Variants in CNTN5 observed in about 807,000 individuals in gnomAD.
The protein encoded by CNTN5 is contactin 5, also known as contactin-5.
A neutral mutation model predicts 129.1 loss-of-function variants in CNTN5; 77 were observed. That is an observed-to-expected ratio of 0.60 (90% CI 0.50 to 0.72). The LOEUF (loss-of-function observed/expected upper bound fraction) is 0.72, where lower values mean the gene tolerates loss of function less well. CNTN5 is among the 30% of genes least tolerant of loss of function. The pLI, the probability that CNTN5 is intolerant of heterozygous loss-of-function variation, is 0.00. For synonymous variants in CNTN5, 509 were observed against 465.6 expected (o/e 1.09, Z -1.20); for missense variants, 1,478 against 1,328.8 (o/e 1.11, Z -1.75).
chr11:99,493,613 T>C (rs951486976), intron 2 of CNTN5, among the ~76,000 whole-genome samples: 1 of 152,040 alleles, frequency 6.6e-6, no homozygotes, highest in Non-Finnish European at 1.5e-5. Flanking sequence ...CTAGTGCAGG[T>C]TCAAAAAAAC....
chr11:100,050,523 C>G (rs1342231787), intron 9 of CNTN5, among the ~76,000 whole-genome samples: 1 of 151,688 alleles, frequency 6.6e-6, no homozygotes, highest in Non-Finnish European at 1.5e-5. Context: ...ATACCTAATG[C>G]TAAATGACGA....
intron 1 of CNTN5, among the ~76,000 whole-genome samples, chr11:99,199,250 C>A (rs551829729): frequency 9.2e-5 from 14 of 152,218 alleles, no homozygotes; most frequent in African/African-American, 3.4e-4. Flanking sequence ...AAGACAAATG[C>A]GACTCAGGAT....
chr11:99,104,124 A>T (rs1428735503), intron 1 of CNTN5, among the ~76,000 whole-genome samples: 1 of 152,216 alleles, frequency 6.6e-6, no homozygotes. Context: ...TTAAGAGAAG[A>T]AACATGGAGG....
chr11:99,918,678 G>C (rs1363810429), intron 7 of CNTN5, among the ~76,000 whole-genome samples: 3 of 152,134 alleles, frequency 2.0e-5, no homozygotes, highest in African/African-American at 2.4e-5. Flanking sequence ...ATATGGTACA[G>C]TATAGCATAG....
intron 3 of CNTN5, among the ~76,000 whole-genome samples, chr11:99,570,661 C>G (rs1300669202): frequency 6.6e-6 from 1 of 152,100 alleles, no homozygotes; most frequent in Non-Finnish European, 1.5e-5. Flanking sequence ...ACAAGACAGG[C>G]AAAATCCCTG....
intron 3 of CNTN5, among the ~76,000 whole-genome samples, chr11:99,623,282 T>A (rs910578927): frequency 4.6e-5 from 7 of 152,064 alleles, no homozygotes; most frequent in Admixed American, 4.6e-4. Context: ...CCCAAGTTAG[T>A]GGGAAGTTCA....
intron 3 of CNTN5, among the ~76,000 whole-genome samples, chr11:99,750,177 T>C (rs922498107): frequency 6.6e-6 from 1 of 152,226 alleles, no homozygotes; most frequent in African/African-American, 2.4e-5. Flanking sequence ...TAAATCTCCA[T>C]ATTATGTGTA....
intron 1 of CNTN5, among the ~76,000 whole-genome samples, chr11:99,024,464 G>A (rs993267484): frequency 1.4e-4 from 21 of 151,968 alleles, no homozygotes; most frequent in African/African-American, 3.9e-4. Context: ...AAATTATTTT[G>A]AAGTATTGAA....
intron 13 of CNTN5, among the ~76,000 whole-genome samples, chr11:100,118,553 T>C (rs1165338465): frequency 6.6e-6 from 1 of 151,982 alleles, no homozygotes; most frequent in Non-Finnish European, 1.5e-5. Context: ...AATTTTAGAC[T>C]TATCTATTGT....
At chr11:99,343,125 C>G (rs1866598257) in intron 2 of CNTN5, among the ~76,000 whole-genome samples, 1 of 152,074 alleles carries the variant, frequency 6.6e-6, no homozygotes, top group South Asian at 2.1e-4. Context: ...GGAAGAGAGG[C>G]AATAGCAAGC....
At chr11:99,364,137 A>G (rs1195670385) in intron 2 of CNTN5, among the ~76,000 whole-genome samples, 1 of 152,064 alleles carries the variant, frequency 6.6e-6, no homozygotes, top group Non-Finnish European at 1.5e-5. Flanking sequence ...CTGATACAAT[A>G]AAGAGAAAAA....
At chr11:99,747,667 G>A (rs1030696546) in intron 3 of CNTN5, among the ~76,000 whole-genome samples, 3 of 151,586 alleles carry the variant, frequency 2.0e-5, no homozygotes, top group South Asian at 2.1e-4. Context: ...TAGAGACGAG[G>A]TTTCACTGTG....
chr11:99,901,340 G>T (rs554739461), intron 6 of CNTN5, among the ~76,000 whole-genome samples: 4 of 152,020 alleles, frequency 2.6e-5, no homozygotes, highest in Non-Finnish European at 5.9e-5. Context: ...GGTCAGGCTG[G>T]AGTGCAGCGG....
intron 18 of CNTN5, among the ~76,000 whole-genome samples, chr11:100,288,855 C>A (rs1366156496): frequency 6.6e-6 from 1 of 151,974 alleles, no homozygotes; most frequent in African/African-American, 2.4e-5. Flanking sequence ...AATTGATAGA[C>A]CGCTAGCAAG....
chr11:99,920,663 G>A (rs1949914154), intron 7 of CNTN5, among the ~76,000 whole-genome samples: 1 of 152,072 alleles, frequency 6.6e-6, no homozygotes, highest in African/African-American at 2.4e-5. Context: ...ACTGGTGTCA[G>A]CCCACTTTCT....
intron 3 of CNTN5, among the ~76,000 whole-genome samples, chr11:99,619,853 T>C (rs671698): frequency 0.45 from 68,047 of 151,006 alleles, 15,770 homozygotes; most frequent in Admixed American, 0.59. Context: ...GCTGAAACCC[T>C]GTCTCTACTA....
chr11:99,456,299 G>A (rs1203767433), intron 2 of CNTN5, among the ~76,000 whole-genome samples: 1 of 152,054 alleles, frequency 6.6e-6, no homozygotes, highest in Non-Finnish European at 1.5e-5. Flanking sequence ...ACGTGAGAAT[G>A]TTTTAGGTGG....
intron 7 of CNTN5, among the ~76,000 whole-genome samples, chr11:99,921,017 A>C (rs977682653): frequency 3.0e-4 from 45 of 152,242 alleles, no homozygotes; most frequent in African/African-American, 1.0e-3. Flanking sequence ...GAATGTGAGA[A>C]AACAAAGAAG....
chr11:99,784,674 A>G (rs1945447112), intron 3 of CNTN5, among the ~76,000 whole-genome samples: 2 of 151,768 alleles, frequency 1.3e-5, no homozygotes, highest in South Asian at 4.2e-4. Context: ...GGTTGAACTG[A>G]TTTACACTCC....
Sources: allele counts gnomAD v4.1 joint callset (sites outside exome capture counted in the v4.1 genomes callset), GRCh38; gene constraint gnomAD v4.1.1; transcripts MANE v1.5; gene names NCBI Gene and HGNC (gene_info 2026-07-23, HGNC 2026-07-21).